Variants in PTDSS2 observed in about 807,000 individuals in gnomAD.
PTDSS2 encodes phosphatidylserine synthase 2.
Under a neutral mutation model 64.7 loss-of-function variants are expected in PTDSS2, and 41 were observed. The ratio of observed to expected loss-of-function variants is 0.63; its 90% CI spans 0.49 to 0.82. The LOEUF is 0.82. Ranked by LOEUF, PTDSS2 falls within the 40% of genes least tolerant of loss-of-function variation. PTDSS2 has a pLI of 0.00. For synonymous variants in PTDSS2, 297 were observed against 277.8 expected (o/e 1.07, Z -0.69); for missense variants, 485 against 650.0 (o/e 0.75, Z 2.76).
At position 479,854 on chromosome 11, in the gene PTDSS2, T is replaced by C. The variant is rs1847989785; in HGVS notation, c.435+702T>C. Among the ~76,000 whole-genome samples the C allele has an allele frequency of 6.6e-6, 1 of 152,246 alleles. No homozygotes were observed. The highest frequency in any genetic ancestry group is 2.1e-4 in the South Asian group (1 of 4,830). ...TTTAACTTAGTGTAAACACACATTT[T>C]TGGGGCTGTCTTCAGCTTACAAAGG... On this transcript the variant is annotated intron_variant, in intron 4 of 11. Transcript: ENST00000308020. The surrounding 1 kb of genome is among the most constrained non-coding windows in gnomAD (Gnocchi z 4.2).
intron 1 of PTDSS2, 46 bp downstream of exon 1, chr11:450,683 T>C: frequency 8.1e-7 from 1 of 1,236,908 alleles, no homozygotes; most frequent in Non-Finnish European, 1.0e-6. Flanking sequence ...GCCCTCGACC[T>C]GGGGGTTCCG....
At position 462,600 on chromosome 11, in the gene PTDSS2, G is replaced by T. The variant is rs561809886; in HGVS notation, c.284+2312G>T. 2.6e-5 allele frequency among the ~76,000 whole-genome samples: 4 copies of T among 152,164 alleles called. No homozygotes were observed. Among genetic ancestry groups the T allele is most frequent in the Non-Finnish European group, 5.9e-5 (4 of 68,020 alleles). ...GCCCCAGGTCACCCTGGCACTGACCGTGGCTCTGTGGCTCCTTCCAGTGAA... is the reference window on the plus strand; with the variant it reads ...GCCCCAGGTCACCCTGGCACTGACCTTGGCTCTGTGGCTCCTTCCAGTGAA... On this transcript the variant is annotated intron_variant, in intron 2 of 11. Coordinates refer to ENST00000308020, the MANE Select transcript of PTDSS2 (RefSeq NM_030783.3). The surrounding 1 kb of genome is among the most constrained non-coding windows in gnomAD (Gnocchi z 4.5).
chr11:488,444 T>C, intron 7 of PTDSS2, 85 bp from the exon 8 acceptor site: 1 of 1,370,474 alleles, frequency 7.3e-7, no homozygotes, highest in Non-Finnish European at 1.0e-6. Flanking sequence ...AGGGGCATTC[T>C]CGGTTCCCCT....
Position 467,188 on chromosome 11 carries a change from T to C in PTDSS2, c.285-6707T>C, listed in dbSNP as rs113416665. Among the ~76,000 whole-genome samples, 854 of 151,810 alleles carry C rather than the reference T, an allele frequency of 5.6e-3. 12 individuals carry two copies. The highest frequency in any genetic ancestry group is 0.019 in the African/African-American group (791 of 41,374). On this transcript the variant is annotated intron_variant, in intron 2 of 11. Coordinates refer to ENST00000308020, the MANE Select transcript of PTDSS2 (RefSeq NM_030783.3). ...CCTGGGTGACAAAGGCAAAACTTTG[T>C]CTCAAAACAAAGCAAAACCTGGGTG...
At chr11:454,375 A>T (rs1026962639) in intron 1 of PTDSS2, among the ~76,000 whole-genome samples, 3 of 152,028 alleles carry the variant, frequency 2.0e-5, no homozygotes, top group African/African-American at 7.3e-5. Context: ...TTTATATTTC[A>T]GGTAATCTCT....
In PTDSS2 at chr11:470,617, T is replaced by A. The variant is rs533457161; in HGVS notation, c.285-3278T>A. ...TTTTATTTTATTTTTTGAGACAGAG[T>A]ATCACTGTGTCACCCAGGCTGGAGT... On this transcript the variant is annotated intron_variant, in intron 2 of 11. Coordinates refer to ENST00000308020, the MANE Select transcript of PTDSS2 (RefSeq NM_030783.3). This position sits in a 1 kb window ranked among gnomAD's most constrained non-coding sequence, Gnocchi z 5.3. Among the ~76,000 whole-genome samples, 2 of 152,288 alleles carry A rather than the reference T, an allele frequency of 1.3e-5. No individual in the cohort carries two copies. Among genetic ancestry groups the A allele is most frequent in the South Asian group, 4.1e-4 (2 of 4,824 alleles).
At chr11:448,959 G>C (rs1846206404), upstream of PTDSS2, among the ~76,000 whole-genome samples, 1 of 151,926 alleles carries the variant, frequency 6.6e-6, no homozygotes, top group Non-Finnish European at 1.5e-5. Flanking sequence ...CCCAGCCCCC[G>C]GTGAAAACTC....
At chr11:459,876 T>A (rs1846792746) in intron 1 of PTDSS2, 2 of 372,454 alleles carry the variant, frequency 5.4e-6, no homozygotes, top group Non-Finnish European at 1.0e-5. Flanking sequence ...CCAGTTGCTC[T>A]TAATAGCAGA....
chr11:462,785 C>T lies in PTDSS2; in HGVS notation c.284+2497C>T, dbSNP rs1846952945. Reference sequence around the variant, plus strand: ...AGGGTGCCCACACACAGGGTGTCCCCACACAGGGTGTCCAGAAGGCTGTGG... The same window carrying T: ...AGGGTGCCCACACACAGGGTGTCCCTACACAGGGTGTCCAGAAGGCTGTGG... On this transcript the variant is annotated intron_variant, in intron 2 of 11. Coordinates refer to ENST00000308020, the MANE Select transcript of PTDSS2 (RefSeq NM_030783.3). This position sits in a 1 kb window ranked among gnomAD's most constrained non-coding sequence, Gnocchi z 4.5. 1.3e-5 allele frequency: 2 copies of T among 152,212 alleles called. No homozygotes were observed. The highest frequency in any genetic ancestry group is 2.9e-5 in the Non-Finnish European group (2 of 68,058). The allele number at this position is 152,212 out of a possible 1,614,324, so 9.4% of individuals were successfully genotyped here.
chr11:453,209 T>TAG (rs1170022160), intron 1 of PTDSS2, among the ~76,000 whole-genome samples: 1 of 152,110 alleles, frequency 6.6e-6, no homozygotes, highest in East Asian at 1.9e-4. Flanking sequence ...TCATTCAGGG[T>TAG]AGCAAGGACA....
intron 4 of PTDSS2, among the ~76,000 whole-genome samples, chr11:482,714 G>C (rs879616516): frequency 1.3e-5 from 2 of 152,210 alleles, no homozygotes; most frequent in African/African-American, 4.8e-5. Context: ...TCTCCTTACC[G>C]AGTGGAGAAA....
chr11:481,156 G>A (rs73399665), intron 4 of PTDSS2, among the ~76,000 whole-genome samples: 3,791 of 151,912 alleles, frequency 0.025, 161 homozygotes, highest in African/African-American at 0.087. Context: ...GCCACCACGC[G>A]CGGCCTGGGC....
At chr11:452,104 C>T (rs1234639589) in intron 1 of PTDSS2, among the ~76,000 whole-genome samples, 6 of 152,086 alleles carry the variant, frequency 3.9e-5, no homozygotes, top group African/African-American at 1.4e-4. Flanking sequence ...TCTGAGGTCC[C>T]GGAGCAAGAA....
At chr11:465,309 G>T (rs1847092806) in intron 2 of PTDSS2, among the ~76,000 whole-genome samples, 1 of 152,200 alleles carries the variant, frequency 6.6e-6, no homozygotes, top group South Asian at 2.1e-4. Context: ...TCCTGCCTCA[G>T]CCTCCCAAGG....
At chr11:490,169 C>G (rs2133847245) in intron 11 of PTDSS2, 101 bp downstream of exon 11, 1 of 1,327,480 alleles carries the variant, frequency 7.5e-7, no homozygotes, top group East Asian at 2.4e-5. Flanking sequence ...TCTCACTGTC[C>G]CTGCTTCAAC....
rs746083125 is a variant in PTDSS2 at position 479,639 on chromosome 11, G to A, written c.435+487G>A. Among the ~76,000 whole-genome samples the A allele has an allele frequency of 1.2e-4, 19 of 152,222 alleles. No homozygotes were observed. Among genetic ancestry groups the A allele is most frequent in the Non-Finnish European group, 1.9e-4 (13 of 68,038 alleles). ...TCTGGGCCTCAGAGGGGACCCCAGC[G>A]CCAAGAGGGACGGGGTCTTTGTTTT... is the stretch of plus-strand genomic sequence containing the variant. On this transcript the variant is annotated intron_variant, in intron 4 of 11. Coordinates refer to ENST00000308020, the MANE Select transcript of PTDSS2 (RefSeq NM_030783.3). This position sits in a 1 kb window ranked among gnomAD's most constrained non-coding sequence, Gnocchi z 4.2.
In PTDSS2 at chr11:476,782, G is replaced by T. The variant is rs73387804; in HGVS notation, c.368-2303G>T. ...CACTGGGCAGGACTGGGGGTTCCTG[G>T]GGTGTTCAGTTTTTAGTCTGAGCTC... On this transcript the variant is annotated intron_variant, in intron 3 of 11. Coordinates refer to ENST00000308020, the MANE Select transcript of PTDSS2 (RefSeq NM_030783.3). The surrounding 1 kb of genome is among the most constrained non-coding windows in gnomAD (Gnocchi z 4.9). 0.026 allele frequency among the ~76,000 whole-genome samples: 3,896 copies of T among 152,246 alleles called. 168 individuals are homozygous for T. Among genetic ancestry groups the T allele is most frequent in the African/African-American group, 0.089 (3,686 of 41,546 alleles).
In PTDSS2 at chr11:460,459, C is replaced by A. The variant is rs1303665357; in HGVS notation, c.284+171C>A. Reference sequence around the variant, plus strand: ...CTGATGTGCAGACTCCAGGGCTGCCCTTGGTGCTGCGTGGCGTTCCCGGTC... The same window carrying A: ...CTGATGTGCAGACTCCAGGGCTGCCATTGGTGCTGCGTGGCGTTCCCGGTC... On this transcript the variant is annotated intron_variant, in intron 2 of 11. Coordinates refer to ENST00000308020, the MANE Select transcript of PTDSS2 (RefSeq NM_030783.3). The surrounding 1 kb of genome is among the most constrained non-coding windows in gnomAD (Gnocchi z 5.8). 4 of 591,074 alleles carry A rather than the reference C, an allele frequency of 6.8e-6. No homozygotes were observed. The highest frequency in any genetic ancestry group is 1.2e-5 in the Non-Finnish European group (4 of 329,658). The allele number at this position is 591,074 out of a possible 1,614,324, so 36.6% of individuals were successfully genotyped here. A position where few individuals can be genotyped will look rare whatever the true frequency, so the allele number is the denominator to read the frequency against.
chr11:463,751 T>G (rs1847011693), intron 2 of PTDSS2: 1 of 152,172 alleles, frequency 6.6e-6, no homozygotes, highest in Non-Finnish European at 1.5e-5. Flanking sequence ...TTTCACCGTG[T>G]TAGCCAGGAT....
Sources: allele counts gnomAD v4.1 joint callset (sites outside exome capture counted in the v4.1 genomes callset), GRCh38; gene constraint gnomAD v4.1.1; non-coding constraint Gnocchi (gnomAD v3.1); transcripts MANE v1.5; gene names NCBI Gene and HGNC (gene_info 2026-07-23, HGNC 2026-07-21).